The following KATNAL2 variants were observed in gnomAD, a reference collection of about 807,000 sequenced individuals.
KATNAL2 encodes katanin catalytic subunit A1 like 2.
Under a neutral mutation model 76.3 loss-of-function variants are expected in KATNAL2, and 52 were observed. That is an observed-to-expected ratio of 0.68 (90% CI 0.55 to 0.86). The LOEUF is 0.86. Ranked by LOEUF, KATNAL2 falls within the 40% of genes least tolerant of loss-of-function variation. The pLI is 0.00. For synonymous variants in KATNAL2, 243 were observed against 244.2 expected, an observed-to-expected ratio of 1.00 and a Z score of 0.05; for missense variants, 660 against 668.9, an observed-to-expected ratio of 0.99 and a Z score of 0.15.
chr18:46,958,797 ATAAT>A (rs2059841865), intron 3 of KATNAL2, among the ~76,000 whole-genome samples: 1 of 152,250 alleles, frequency 6.6e-6, no homozygotes, highest in Non-Finnish European at 1.5e-5. Context: ...AAACAAAAAA[ATAAT>A]TAGAGTCAAT....
chr18:47,086,165 T>A (rs897977991), intron 15 of KATNAL2, among the ~76,000 whole-genome samples: 1 of 152,160 alleles, frequency 6.6e-6, no homozygotes, highest in Non-Finnish European at 1.5e-5. Context: ...TTTCCACACT[T>A]ATCTGACCCC....
chr18:47,033,375 A>C (rs771634091), intron 3 of KATNAL2: 1 of 1,614,158 alleles, frequency 6.2e-7, no homozygotes, highest in Admixed American at 1.7e-5. Context: ...GGTTGTTTCC[A>C]CGTGCAGATC....
intron 3 of KATNAL2, chr18:47,033,411 C>T: frequency 1.2e-6 from 2 of 1,614,194 alleles, no homozygotes; most frequent in Non-Finnish European, 1.7e-6. Context: ...TTACTCTCAG[C>T]CGCTGCTCTG....
chr18:47,043,945 G>T (rs2147040840), intron 3 of KATNAL2, among the ~76,000 whole-genome samples: 1 of 152,184 alleles, frequency 6.6e-6, no homozygotes, highest in East Asian at 1.9e-4. Flanking sequence ...GGGAAGGATA[G>T]TTTGAAAAGG....
intron 4 of KATNAL2, among the ~76,000 whole-genome samples, chr18:47,050,521 G>T (rs900341498): frequency 6.6e-6 from 1 of 152,216 alleles, no homozygotes; most frequent in African/African-American, 2.4e-5. Context: ...AGATGTAGTT[G>T]TTAAGGCCAA....
chr18:46,961,958 G>A (rs1431775267), intron 3 of KATNAL2, among the ~76,000 whole-genome samples: 1 of 152,110 alleles, frequency 6.6e-6, no homozygotes, highest in Non-Finnish European at 1.5e-5. Context: ...TGAATTTCAG[G>A]GAGTCTGCGG....
At chr18:47,052,736 C>T (rs1184490747) in intron 4 of KATNAL2, 144 bp from the exon 5 acceptor site, 2 of 501,524 alleles carry the variant, frequency 4.0e-6, no homozygotes, top group East Asian at 6.7e-5. Flanking sequence ...ATAGGCAAAC[C>T]TCCTATGCAC....
At chr18:46,922,529 C>T (rs1055302085) in intron 1 of KATNAL2, among the ~76,000 whole-genome samples, 3 of 151,648 alleles carry the variant, frequency 2.0e-5, no homozygotes, top group Non-Finnish European at 4.4e-5. Flanking sequence ...CGCGGTGGCT[C>T]ACACCTATAT....
intron 3 of KATNAL2, among the ~76,000 whole-genome samples, chr18:46,952,265 G>A (rs1395460921): frequency 1.3e-5 from 2 of 151,768 alleles, no homozygotes; most frequent in African/African-American, 4.8e-5. Flanking sequence ...GTAGAGACAG[G>A]GATCTCACTA....
intron 15 of KATNAL2, among the ~76,000 whole-genome samples, chr18:47,085,121 A>C (rs534198616): frequency 2.6e-5 from 4 of 152,120 alleles, no homozygotes; most frequent in Non-Finnish European, 4.4e-5. Context: ...ACTAATTTGG[A>C]ATTAATGGCG....
At chr18:47,060,462 T>C (rs1428241935) in intron 8 of KATNAL2, among the ~76,000 whole-genome samples, 1 of 152,180 alleles carries the variant, frequency 6.6e-6, no homozygotes, top group Non-Finnish European at 1.5e-5. Flanking sequence ...TTTTTCATAA[T>C]GAATCTCATG....
intron 1 of KATNAL2, among the ~76,000 whole-genome samples, chr18:46,928,005 T>G (rs2058782149): frequency 6.6e-6 from 1 of 152,186 alleles, no homozygotes. Flanking sequence ...TTTCAAAGCT[T>G]TTAACTTCTT....
intron 3 of KATNAL2, among the ~76,000 whole-genome samples, chr18:46,952,841 C>A (rs1233988177): frequency 1.3e-5 from 2 of 150,238 alleles, no homozygotes; most frequent in Non-Finnish European, 3.0e-5. Flanking sequence ...TGTTTCCTTC[C>A]TCCCTTCTCT....
At chr18:46,928,879 T>A (rs2058817702) in intron 1 of KATNAL2, among the ~76,000 whole-genome samples, 1 of 152,112 alleles carries the variant, frequency 6.6e-6, no homozygotes, top group South Asian at 2.1e-4. Context: ...CGCTGCAACC[T>A]CCACCTCCAG....
At chr18:47,060,649 T>C (rs1198739774) in intron 8 of KATNAL2, among the ~76,000 whole-genome samples, 1 of 152,168 alleles carries the variant, frequency 6.6e-6, no homozygotes, top group Non-Finnish European at 1.5e-5. Context: ...TGCTCAAACC[T>C]CTGGAGTGCT....
At chr18:46,953,511 C>G (rs2059629652) in intron 3 of KATNAL2, among the ~76,000 whole-genome samples, 1 of 152,124 alleles carries the variant, frequency 6.6e-6, no homozygotes, top group Non-Finnish European at 1.5e-5. Context: ...GGTGGCACCA[C>G]CCCTGTGTTA....
At chr18:46,950,947 G>T (rs1485079787) in intron 3 of KATNAL2, among the ~76,000 whole-genome samples, 3 of 152,168 alleles carry the variant, frequency 2.0e-5, no homozygotes. Context: ...GCCTCCCAAA[G>T]TGCTGGGATT....
At chr18:47,070,732 G>A (rs1484544212) in intron 13 of KATNAL2, among the ~76,000 whole-genome samples, 2 of 152,220 alleles carry the variant, frequency 1.3e-5, no homozygotes, top group East Asian at 3.9e-4. Context: ...TATGTTTAAA[G>A]GATTGATTTT....
intron 3 of KATNAL2, 185 bp from the exon 4 acceptor site, chr18:47,046,272 G>C: frequency 1.7e-6 from 1 of 578,726 alleles, no homozygotes; most frequent in Non-Finnish European, 3.1e-6. Context: ...AATTGAGAAG[G>C]CAGCTGTGAG....
Sources: allele counts gnomAD v4.1 joint callset (sites outside exome capture counted in the v4.1 genomes callset), GRCh38; gene constraint gnomAD v4.1.1; transcripts MANE v1.5; gene names NCBI Gene and HGNC (gene_info 2026-07-23, HGNC 2026-07-21).